The following ZYG11B variants were observed in gnomAD, a reference collection of about 807,000 sequenced individuals.
ZYG11B encodes the protein protein zyg-11 homolog B.
In ZYG11B, 36 loss-of-function variants were observed where a neutral mutation model predicts 82.4. The ratio of observed to expected loss-of-function variants is 0.44; its 90% CI spans 0.33 to 0.58. The LOEUF (loss-of-function observed/expected upper bound fraction) is 0.58, where lower values mean the gene tolerates loss of function less well. Among genes scored for constraint, ZYG11B ranks in the 20% least tolerant of loss-of-function variants. The pLI, the probability that ZYG11B is intolerant of heterozygous loss-of-function variation, is 0.02. For synonymous variants in ZYG11B, 303 were observed against 312.8 expected, an observed-to-expected ratio of 0.97 and a Z score of 0.33; for missense variants, 552 against 895.6, an observed-to-expected ratio of 0.62 and a Z score of 4.90.
intron 12 of ZYG11B, among the ~76,000 whole-genome samples, chr1:52,815,534 C>T (rs1328007821): frequency 1.3e-5 from 2 of 151,834 alleles, no homozygotes; most frequent in South Asian, 2.1e-4. Flanking sequence ...GTGGGAGAAT[C>T]GCTTGAGCCT....
chr1:52,743,427 A>T (rs1005706273), intron 1 of ZYG11B, among the ~76,000 whole-genome samples: 1 of 138,684 alleles, frequency 7.2e-6, no homozygotes, highest in Admixed American at 7.3e-5. Context: ...AAAAAAAAGT[A>T]AAAGTTCATA....
chr1:52,778,104 C>CT (rs1338014081), intron 3 of ZYG11B, among the ~76,000 whole-genome samples: 2 of 152,194 alleles, frequency 1.3e-5, no homozygotes, highest in African/African-American at 4.8e-5. Flanking sequence ...CCTTTCATTT[C>CT]TTTATAATTT....
chr1:52,796,980 A>T (rs1278058825), intron 8 of ZYG11B, among the ~76,000 whole-genome samples, 196 bp downstream of exon 8: 1 of 66,304 alleles, frequency 1.5e-5, no homozygotes, highest in Admixed American at 2.7e-4. Flanking sequence ...ATATATAAAT[A>T]TATATATTTT....
chr1:52,768,821 T>C (rs562824010), intron 2 of ZYG11B, among the ~76,000 whole-genome samples: 2 of 152,268 alleles, frequency 1.3e-5, no homozygotes, highest in Admixed American at 6.5e-5. Flanking sequence ...CTCGAATTCC[T>C]GGCCTCAGGT....
chr1:52,783,829 T>C lies in ZYG11B; in HGVS notation c.1093-1048T>C, dbSNP rs376031488. Among the ~76,000 whole-genome samples the C allele has an allele frequency of 7.4e-3, 346 of 46,734 alleles. 8 individuals are homozygous for C. Among genetic ancestry groups the C allele is most frequent in the East Asian group, 0.047 (71 of 1,506 alleles). The allele number at this position is 46,734 out of a possible 152,430, so 30.7% of individuals were successfully genotyped here. A position where few individuals can be genotyped will look rare whatever the true frequency, so the allele number is the denominator to read the frequency against. ...ATACACACACACGTATATGTATACA[T>C]ACGTGTGTATATGTACATACACGTG... On this transcript the variant is annotated intron_variant, in intron 4 of 13. Transcript: ENST00000294353.
chr1:52,783,089 G>T (rs1047952389), intron 4 of ZYG11B, among the ~76,000 whole-genome samples: 1 of 151,946 alleles, frequency 6.6e-6, no homozygotes, highest in Admixed American at 6.6e-5. Flanking sequence ...ACCACGCCCA[G>T]CTAATTTTTA....
intron 8 of ZYG11B, among the ~76,000 whole-genome samples, chr1:52,798,296 C>G (rs1645045504): frequency 6.6e-6 from 1 of 152,044 alleles, no homozygotes; most frequent in Admixed American, 6.6e-5. Flanking sequence ...ATTACTTGAA[C>G]CATTGGGGTC....
intron 4 of ZYG11B, among the ~76,000 whole-genome samples, chr1:52,784,462 A>G (rs1245613571): frequency 1.3e-5 from 2 of 152,244 alleles, no homozygotes; most frequent in Non-Finnish European, 2.9e-5. Context: ...TGTCTAGGCC[A>G]GGGAAAGTGA....
chr1:52,766,913 C>T (rs1017425457), intron 2 of ZYG11B, among the ~76,000 whole-genome samples: 7 of 151,442 alleles, frequency 4.6e-5, no homozygotes, highest in Non-Finnish European at 7.4e-5. Context: ...GAGGCTGAGG[C>T]GGGAGAATGG....
chr1:52,731,671 G>A (rs1644333550), intron 1 of ZYG11B, among the ~76,000 whole-genome samples: 1 of 152,016 alleles, frequency 6.6e-6, no homozygotes, highest in Non-Finnish European at 1.5e-5. Context: ...ACCTATAAAT[G>A]TATAATGACA....
chr1:52,797,418 TTATA>T (rs1295500925), intron 8 of ZYG11B, among the ~76,000 whole-genome samples: 3 of 88,420 alleles, frequency 3.4e-5, no homozygotes, highest in African/African-American at 1.6e-4. Flanking sequence ...ATATCATATA[TTATA>T]CATATTATAT....
chr1:52,784,782 C>A (rs1201855045), intron 4 of ZYG11B, 95 bp from the exon 5 acceptor site: 2 of 1,362,742 alleles, frequency 1.5e-6, no homozygotes, highest in Non-Finnish European at 2.0e-6. Context: ...ATTATGACAT[C>A]TTTGAAATTA....
chr1:52,810,968 A>T lies in ZYG11B; in HGVS notation c.1696-2568A>T, dbSNP rs904776500. Among the ~76,000 whole-genome samples, 4 of 151,560 alleles carry T rather than the reference A, an allele frequency of 2.6e-5. No homozygotes were observed. The South Asian group carries it at 8.3e-4, about 32-fold the overall frequency. On this transcript the variant is annotated intron_variant, in intron 10 of 13. Coordinates refer to ENST00000294353, the MANE Select transcript of ZYG11B (RefSeq NM_024646.3). Reference sequence around the variant, plus strand: ...AGAATCACTTGAATCAAGGAGGCGGAAGTTGCAGTGAGCTGAGATCCTGCC... The same window carrying T: ...AGAATCACTTGAATCAAGGAGGCGGTAGTTGCAGTGAGCTGAGATCCTGCC...
chr1:52,776,219 T>TAAAAAAAAAAA (rs1165031214), intron 3 of ZYG11B, among the ~76,000 whole-genome samples: 8 of 42,490 alleles, frequency 1.9e-4, no homozygotes, highest in African/African-American at 3.0e-4. Context: ...AACTCTGTCT[T>TAAAAAAAAAAA]AAAAAAAAAA....
chr1:52,795,328 T>G (rs1644998536), intron 6 of ZYG11B, among the ~76,000 whole-genome samples: 1 of 152,148 alleles, frequency 6.6e-6, no homozygotes, highest in South Asian at 2.1e-4. Flanking sequence ...TCCTGAGGCC[T>G]TCCCAGTGGT....
rs1365622597 is a variant in ZYG11B at position 52,771,451 on chromosome 1, C to T, written c.628C>T (p.Arg210Ter). 1.2e-6 allele frequency: 2 copies of T among 1,613,578 alleles called. No individual in the cohort carries two copies. Among genetic ancestry groups the T allele is most frequent in the Non-Finnish European group, 8.5e-7 (1 of 1,179,848 alleles). ...DITALLACKD[R>*]LKSLTMHHLK... ...CACTGCTCTACTGGCCTGCAAAGAC[C>T]GACTCAAGTCTCTAACCATGCACCA... is the stretch of plus-strand genomic sequence containing the variant. Residue 210 changes from arginine (R) to a stop codon, truncating the protein, a stop_gained, in exon 3 of 14, where the codon CGA becomes TGA. Transcript: ENST00000294353. LOFTEE classifies it high-confidence loss of function. This position sits in a 1 kb window ranked among gnomAD's most constrained non-coding sequence, Gnocchi z 5.4.
At chr1:52,797,973 A>T (rs1304328128) in intron 8 of ZYG11B, among the ~76,000 whole-genome samples, 3 of 151,742 alleles carry the variant, frequency 2.0e-5, no homozygotes, top group African/African-American at 7.3e-5. Flanking sequence ...CAAAAAAAAA[A>T]AAAATTGGAC....
chr1:52,821,704 C>A lies in ZYG11B; in HGVS notation c.*75C>A. 2 of 1,412,038 alleles carry A rather than the reference C, an allele frequency of 1.4e-6. No homozygotes were observed. Among genetic ancestry groups the A allele is most frequent in the Non-Finnish European group, 1.9e-6 (2 of 1,039,480 alleles). The allele number at this position is 1,412,038 out of a possible 1,614,324, so 87.5% of individuals were successfully genotyped here. ...GTCCATTTGGAATATCTTACCCTCC[C>A]TGATGTTTTGGGGGTTTCTATGACA... On this transcript the variant is annotated 3_prime_UTR_variant, in exon 14 of 14. Transcript: ENST00000294353.
chr1:52,769,294 T>C (rs1203746092), intron 2 of ZYG11B, among the ~76,000 whole-genome samples: 2 of 152,200 alleles, frequency 1.3e-5, no homozygotes, highest in African/African-American at 2.4e-5. Context: ...CGAAATGTAA[T>C]TTTAAATTTA....
Sources: allele counts gnomAD v4.1 joint callset (sites outside exome capture counted in the v4.1 genomes callset), GRCh38; gene constraint gnomAD v4.1.1; non-coding constraint Gnocchi (gnomAD v3.1); transcripts MANE v1.5; gene names NCBI Gene and HGNC (gene_info 2026-07-23, HGNC 2026-07-21).